Variants in STPG2 observed in about 807,000 individuals in gnomAD.
The protein encoded by STPG2 is sperm-tail PG-rich repeat-containing protein 2.
Under a neutral mutation model 54.2 loss-of-function variants are expected in STPG2, and 56 were observed. The ratio of observed to expected loss-of-function variants is 1.03; its 90% CI spans 0.83 to 1.29. The LOEUF (loss-of-function observed/expected upper bound fraction) is 1.29. Ranked by LOEUF, STPG2 falls within the 50% of genes most tolerant of loss-of-function variation. The pLI, the probability that STPG2 is intolerant of heterozygous loss-of-function variation, is 0.00. For missense variants in STPG2, 596 were observed against 544.9 expected (o/e 1.09, Z -0.93); for synonymous variants, 200 against 181.8 (o/e 1.10, Z -0.81).
intron 10 of STPG2, among the ~76,000 whole-genome samples, chr4:97,562,949 G>A (rs1732301629): frequency 6.6e-6 from 1 of 151,994 alleles, no homozygotes; most frequent in Admixed American, 6.6e-5. Flanking sequence ...GGATGATGCT[G>A]GCATCATAAA....
chr4:97,731,182 T>A (rs965264192), intron 9 of STPG2, among the ~76,000 whole-genome samples: 3 of 152,202 alleles, frequency 2.0e-5, no homozygotes, highest in South Asian at 2.1e-4. Context: ...TTTTTGTTTT[T>A]ATATTCTTTA....
At chr4:97,566,843 G>T (rs909852299) in intron 10 of STPG2, among the ~76,000 whole-genome samples, 4 of 149,276 alleles carry the variant, frequency 2.7e-5, no homozygotes, top group Non-Finnish European at 5.9e-5. Context: ...GAGAACACAT[G>T]GACACAGGAA....
intron 8 of STPG2, among the ~76,000 whole-genome samples, chr4:97,909,311 A>T (rs1357854742): frequency 6.6e-6 from 1 of 152,120 alleles, no homozygotes; most frequent in South Asian, 2.1e-4. Flanking sequence ...TAATTTCTAA[A>T]TCTACCAAAT....
At chr4:97,911,137 C>A (rs1252077742) in intron 8 of STPG2, among the ~76,000 whole-genome samples, 1 of 152,244 alleles carries the variant, frequency 6.6e-6, no homozygotes, top group Non-Finnish European at 1.5e-5. Context: ...TCCCACAGAT[C>A]TTTGCAACCC....
At chr4:97,547,867 T>C (rs1037127650) in intron 4 of STPG2, among the ~76,000 whole-genome samples, 6 of 152,028 alleles carry the variant, frequency 3.9e-5, no homozygotes, top group Non-Finnish European at 7.4e-5. Context: ...AAGAGAAACA[T>C]GAGCCGGGCA....
At chr4:97,861,017 C>T (rs1210917062) in intron 8 of STPG2, among the ~76,000 whole-genome samples, 3 of 152,118 alleles carry the variant, frequency 2.0e-5, no homozygotes, top group Non-Finnish European at 2.9e-5. Flanking sequence ...AGTTAAAAAG[C>T]TTCTCCACAG....
At chr4:98,085,997 C>T (rs1738491338) in intron 5 of STPG2, among the ~76,000 whole-genome samples, 1 of 151,812 alleles carries the variant, frequency 6.6e-6, no homozygotes, top group Non-Finnish European at 1.5e-5. Flanking sequence ...CAGATGAGCA[C>T]ATAAAAAAAT....
rs530851287 is a variant in STPG2, at chr4:98,012,812, CTT to C, written c.613-31496_613-31495del. 4.2e-3 allele frequency among the ~76,000 whole-genome samples: 644 copies of C among 152,284 alleles called. 3 individuals carry two copies. The highest frequency in any genetic ancestry group is 0.024 in the South Asian group (117 of 4,820). On this transcript the variant is annotated intron_variant, in intron 5 of 10. Coordinates refer to ENST00000295268, the MANE Select transcript of STPG2 (RefSeq NM_174952.3). ...TGCACACTGATTTTGTATCCTGAGA[CTT>C]TGCTGAGGTTGCTTATCAGCTTAAG...
intron 9 of STPG2, among the ~76,000 whole-genome samples, chr4:97,744,231 A>G (rs1274555943): frequency 2.0e-5 from 3 of 151,368 alleles, no homozygotes; most frequent in Non-Finnish European, 3.0e-5. Context: ...TCCTATAAAA[A>G]TAATTTCATT....
intron 9 of STPG2, among the ~76,000 whole-genome samples, chr4:97,816,918 A>T (rs1408447665): frequency 6.7e-6 from 1 of 148,548 alleles, no homozygotes; most frequent in Non-Finnish European, 1.5e-5. Flanking sequence ...GCACATACAT[A>T]AATATAAATA....
intron 10 of STPG2, among the ~76,000 whole-genome samples, chr4:97,641,007 G>A (rs958790214): frequency 2.0e-5 from 3 of 151,514 alleles, no homozygotes; most frequent in African/African-American, 7.2e-5. Flanking sequence ...AATATATAAT[G>A]TCTATGTGAA....
intron 10 of STPG2, among the ~76,000 whole-genome samples, chr4:97,626,678 C>T (rs1911794): frequency 0.03 from 4,486 of 152,052 alleles, 206 homozygotes; most frequent in African/African-American, 0.1. Flanking sequence ...CCTTCTCTTC[C>T]TCCTTTTCTT....
intron 9 of STPG2, among the ~76,000 whole-genome samples, chr4:97,793,208 CT>C (rs1219705051): frequency 6.6e-6 from 1 of 152,024 alleles, no homozygotes; most frequent in African/African-American, 2.4e-5. Context: ...GTCATTTAAT[CT>C]GTTCCATTTT....
chr4:98,116,773 G>C (rs1414067089), intron 3 of STPG2, among the ~76,000 whole-genome samples: 1 of 151,890 alleles, frequency 6.6e-6, no homozygotes, highest in Non-Finnish European at 1.5e-5. Context: ...CCCATGGCCA[G>C]AAAGAAATGG....
chr4:97,453,833 C>G (rs1306734615), intron 4 of STPG2, among the ~76,000 whole-genome samples: 1 of 152,122 alleles, frequency 6.6e-6, no homozygotes, highest in African/African-American at 2.4e-5. Context: ...TATGCATAGT[C>G]AACTTTGTTT....
At chr4:97,831,612 T>G (rs1021150861) in intron 9 of STPG2, among the ~76,000 whole-genome samples, 2 of 151,890 alleles carry the variant, frequency 1.3e-5, no homozygotes. Flanking sequence ...ATCAACAAAA[T>G]AGACCACTAA....
chr4:97,942,483 AT>A (rs2149230658), intron 8 of STPG2, among the ~76,000 whole-genome samples: 1 of 120,854 alleles, frequency 8.3e-6, no homozygotes, highest in South Asian at 2.7e-4. Flanking sequence ...TTGCTAGATG[AT>A]TTTAAACTGT....
chr4:97,540,647 G>A (rs1023502992), intron 4 of STPG2, among the ~76,000 whole-genome samples: 3 of 152,046 alleles, frequency 2.0e-5, no homozygotes, highest in African/African-American at 7.2e-5. Flanking sequence ...TGATACCAAA[G>A]CCTGGCAGAG....
At chr4:97,854,408 G>A (rs1011773558) in intron 8 of STPG2, among the ~76,000 whole-genome samples, 1 of 150,396 alleles carries the variant, frequency 6.6e-6, no homozygotes, top group Non-Finnish European at 1.5e-5. Context: ...ATAACACAAG[G>A]CACATAGATA....
Sources: allele counts gnomAD v4.1 joint callset (sites outside exome capture counted in the v4.1 genomes callset), GRCh38; gene constraint gnomAD v4.1.1; transcripts MANE v1.5; gene names NCBI Gene and HGNC (gene_info 2026-07-23, HGNC 2026-07-21).